ARHGAP39: variants seen among roughly 807,000 people sequenced by gnomAD.
ARHGAP39 encodes the protein Rho GTPase activating protein 39.
Under a neutral mutation model 106.9 loss-of-function variants are expected in ARHGAP39, and 44 were observed. The observed-to-expected ratio is 0.41, with a 90% CI of 0.32 to 0.53. The LOEUF (loss-of-function observed/expected upper bound fraction) is 0.53, where lower values mean the gene tolerates loss of function less well. Among genes scored for constraint, ARHGAP39 ranks in the 20% least tolerant of loss-of-function variants. The pLI, the probability that ARHGAP39 is intolerant of heterozygous loss-of-function variation, is 0.21. For synonymous variants in ARHGAP39, 768 were observed against 693.2 expected, an observed-to-expected ratio of 1.11 and a Z score of -1.69; for missense variants, 1,496 against 1,577.3, an observed-to-expected ratio of 0.95 and a Z score of 0.87.
rs1423331399 is a variant in ARHGAP39, at chr8:144,639,892, G to T, written c.-81-34197C>A. ...ATAGCCTGTTTCTTGTATAAAGGGT[G>T]TTTGTTACACGGATGCTTTGTCTTA... is the stretch of plus-strand genomic sequence containing the variant. On this transcript the variant is annotated intron_variant, in intron 1 of 11. Transcript: ENST00000377307. Among the ~76,000 whole-genome samples the T allele has an allele frequency of 2.0e-5, 3 of 152,200 alleles. No homozygotes were observed. The East Asian group carries it at 5.8e-4, about 29-fold the overall frequency.
chr8:144,579,713 C>T (rs1307697166), intron 3 of ARHGAP39, among the ~76,000 whole-genome samples: 2 of 152,144 alleles, frequency 1.3e-5, no homozygotes, highest in Admixed American at 1.3e-4. Context: ...ACTCTGAATC[C>T]CTCTTCTGAA....
At chr8:144,690,366 A>G (rs1822717322), upstream of ARHGAP39, among the ~76,000 whole-genome samples, 1 of 152,086 alleles carries the variant, frequency 6.6e-6, no homozygotes, top group African/African-American at 2.4e-5. Flanking sequence ...TTGGCCTCCC[A>G]AAGTGTTGGG....
chr8:144,530,898 G>A (rs912537790), intron 10 of ARHGAP39, 27 bp from the exon 11 acceptor site: 7 of 1,588,110 alleles, frequency 4.4e-6, no homozygotes, highest in South Asian at 1.1e-5. Flanking sequence ...GGGCTCAGCG[G>A]CCCTGCTCGG....
At chr8:144,678,177 G>A (rs1822292421) in intron 1 of ARHGAP39, among the ~76,000 whole-genome samples, 1 of 152,056 alleles carries the variant, frequency 6.6e-6, no homozygotes, top group Admixed American at 6.5e-5. Context: ...GGCCGAGGTG[G>A]GAGGATCACT....
chr8:144,635,248 C>T (rs1389343246), intron 1 of ARHGAP39, among the ~76,000 whole-genome samples: 1 of 152,226 alleles, frequency 6.6e-6, no homozygotes, highest in Admixed American at 6.5e-5. Context: ...TTCAGCTGCA[C>T]TCCCCATGGG....
chr8:144,602,010 C>T (rs1258802851), intron 2 of ARHGAP39, among the ~76,000 whole-genome samples: 22 of 109,242 alleles, frequency 2.0e-4, no homozygotes, highest in African/African-American at 2.5e-4. Flanking sequence ...TGTGTGTGTG[C>T]ATGGAGGCGT....
At chr8:144,622,121 C>T (rs1458085359) in intron 1 of ARHGAP39, among the ~76,000 whole-genome samples, 1 of 152,166 alleles carries the variant, frequency 6.6e-6, no homozygotes, top group Non-Finnish European at 1.5e-5. Flanking sequence ...AGACTGAGCC[C>T]CCCACGGCCT....
In ARHGAP39 at chr8:144,660,492, T is replaced by TA. The variant is rs1232360806; in HGVS notation, c.-82+25193dup. ...CTTGGAACTGCACTGTGCAACACAC[T>TA]AGTCACTTGTCACTATGCTTAAAGT... On this transcript the variant is annotated intron_variant, in intron 1 of 11. Coordinates refer to ENST00000377307, the MANE Select transcript of ARHGAP39 (RefSeq NM_025251.3). Among the ~76,000 whole-genome samples, 5 of 152,260 alleles carry TA rather than the reference T, an allele frequency of 3.3e-5. No individual in the cohort carries two copies. The East Asian group carries it at 9.6e-4, about 29-fold the overall frequency.
intron 3 of ARHGAP39, among the ~76,000 whole-genome samples, chr8:144,577,430 T>TG (rs1399355320): frequency 6.6e-6 from 1 of 152,060 alleles, no homozygotes; most frequent in East Asian, 1.9e-4. Context: ...TCAAGGAACT[T>TG]GCTCAATAGA....
chr8:144,611,680 CA>C (rs568755474), intron 1 of ARHGAP39, among the ~76,000 whole-genome samples: 86 of 152,202 alleles, frequency 5.7e-4, no homozygotes, highest in African/African-American at 2.0e-3. Context: ...AATTGTGTAA[CA>C]TTTATCCTTC....
chr8:144,593,754 C>T (rs191970476), intron 2 of ARHGAP39, among the ~76,000 whole-genome samples: 80 of 152,186 alleles, frequency 5.3e-4, no homozygotes, highest in African/African-American at 1.8e-3. Context: ...TGATCTACTG[C>T]ACTCCCGTCT....
intron 2 of ARHGAP39, 90 bp downstream of exon 2, chr8:144,605,444 TC>T: frequency 1.5e-6 from 2 of 1,352,084 alleles, no homozygotes; most frequent in Admixed American, 3.6e-5. Flanking sequence ...CCACGGAGAA[TC>T]CTGCATGCAC....
chr8:144,554,379 T>A (rs149577579), intron 4 of ARHGAP39, among the ~76,000 whole-genome samples: 168 of 152,334 alleles, frequency 1.1e-3, no homozygotes, highest in African/African-American at 3.9e-3. Context: ...GGACACTGGC[T>A]TTCCTGAAAG....
chr8:144,556,328 C>T (rs1300906626), intron 3 of ARHGAP39, among the ~76,000 whole-genome samples: 1 of 150,144 alleles, frequency 6.7e-6, no homozygotes, highest in African/African-American at 2.4e-5. Context: ...GAGACTGTGA[C>T]TGCTGAAGGT....
At chr8:144,682,096 G>A (rs568674158) in intron 1 of ARHGAP39, among the ~76,000 whole-genome samples, 6 of 151,428 alleles carry the variant, frequency 4.0e-5, no homozygotes, top group East Asian at 1.9e-4. Flanking sequence ...GTGAAACCCC[G>A]TCTCTACTAA....
chr8:144,597,013 A>G (rs1819647544), intron 2 of ARHGAP39, among the ~76,000 whole-genome samples: 1 of 152,212 alleles, frequency 6.6e-6, no homozygotes, highest in Admixed American at 6.5e-5. Context: ...AGCAGAGGCC[A>G]TGGCTTCTCA....
chr8:144,607,223 G>A (rs1167194135), intron 1 of ARHGAP39, among the ~76,000 whole-genome samples: 39 of 131,434 alleles, frequency 3.0e-4, no homozygotes, highest in African/African-American at 1.1e-3. Flanking sequence ...GCGACAGAGC[G>A]AGACATTGTC....
Position 144,644,516 on chromosome 8 carries a change from A to G in ARHGAP39, c.-81-38821T>C, listed in dbSNP as rs1821395240. On this transcript the variant is annotated intron_variant, in intron 1 of 11. Transcript: ENST00000377307. This position sits in a 1 kb window ranked among gnomAD's most constrained non-coding sequence, Gnocchi z 4.8. ...AAAACCATGGGATTATATACTTGAA[A>G]TGAGTGAATTTTTTATATATAAATT... Among the ~76,000 whole-genome samples, 1 of 152,246 alleles carries G rather than the reference A, an allele frequency of 6.6e-6. No individual in the cohort carries two copies. The highest frequency in any genetic ancestry group is 1.5e-5 in the Non-Finnish European group (1 of 68,048).
intron 3 of ARHGAP39, among the ~76,000 whole-genome samples, chr8:144,559,732 T>C (rs1818075147): frequency 6.6e-6 from 1 of 152,246 alleles, no homozygotes; most frequent in South Asian, 2.1e-4. Context: ...TTGGAATATC[T>C]ACATATACAT....
Sources: allele counts gnomAD v4.1 joint callset (sites outside exome capture counted in the v4.1 genomes callset), GRCh38; gene constraint gnomAD v4.1.1; non-coding constraint Gnocchi (gnomAD v3.1); transcripts MANE v1.5; gene names NCBI Gene and HGNC (gene_info 2026-07-23, HGNC 2026-07-21).